Variants in MEI4 observed in about 807,000 individuals in gnomAD.
MEI4 encodes the protein meiosis-specific protein MEI4.
Under a neutral mutation model 31.4 loss-of-function variants are expected in MEI4, and 27 were observed. The observed-to-expected ratio is 0.86, with a 90% CI of 0.63 to 1.19. The LOEUF is 1.19. MEI4 is among the 50% of genes most tolerant of loss of function. The pLI is 0.00. For synonymous variants in MEI4, 122 were observed against 145.4 expected (o/e 0.84, Z 1.16); for missense variants, 329 against 398.9 (o/e 0.82, Z 1.49).
At position 77,713,372 on chromosome 6, in the gene MEI4, TTTTG is replaced by T. The variant is rs1026624507; in HGVS notation, c.232+22481_232+22484del. On this transcript the variant is annotated intron_variant, in intron 2 of 4. Transcript: ENST00000684080. ...TAGCAGCAGAAGAACCTAAGAATTT[TTTTG>T]TTTGTTTGTTTTAAGGAATTGAGAA... is the stretch of plus-strand genomic sequence containing the variant. Among the ~76,000 whole-genome samples the T allele has an allele frequency of 6.6e-5, 10 of 152,208 alleles. No homozygotes were observed. In the East Asian group the frequency reaches 1.2e-3, roughly 18 times the overall value.
chr6:77,922,356 T>TTGAC (rs1351286958), intron 4 of MEI4, among the ~76,000 whole-genome samples: 3 of 151,750 alleles, frequency 2.0e-5, no homozygotes, highest in Non-Finnish European at 4.4e-5. Flanking sequence ...ATCCATTTCC[T>TTGAC]TGACTGTGGA....
At chr6:77,767,392 A>G (rs910948361) in intron 3 of MEI4, among the ~76,000 whole-genome samples, 12 of 150,484 alleles carry the variant, frequency 8.0e-5, no homozygotes, top group East Asian at 2.0e-4. Flanking sequence ...ATAAATGAAT[A>G]AATAAATAAA....
Position 77,829,544 on chromosome 6 carries a change from A to G in MEI4, c.900+482A>G, listed in dbSNP as rs537411997. On this transcript the variant is annotated intron_variant, in intron 4 of 4. Coordinates refer to ENST00000684080, the MANE Select transcript of MEI4 (RefSeq NM_001322247.2). ...AGGTCTCTGAATTTGGAATTCTGGTACTGGTATTATTAGAGCACTTCAGGT... is the reference window on the plus strand; with the variant it reads ...AGGTCTCTGAATTTGGAATTCTGGTGCTGGTATTATTAGAGCACTTCAGGT... 2.6e-5 allele frequency among the ~76,000 whole-genome samples: 4 copies of G among 152,290 alleles called. No individual in the cohort carries two copies. The East Asian group carries it at 7.7e-4, about 29-fold the overall frequency.
At chr6:77,794,266 T>C (rs1769017879) in intron 3 of MEI4, among the ~76,000 whole-genome samples, 1 of 152,168 alleles carries the variant, frequency 6.6e-6, no homozygotes, top group Non-Finnish European at 1.5e-5. Context: ...TGTTAACATT[T>C]AATAATCTAA....
At chr6:77,654,436 C>T (rs1414314373) in intron 1 of MEI4, among the ~76,000 whole-genome samples, 3 of 151,534 alleles carry the variant, frequency 2.0e-5, no homozygotes, top group Non-Finnish European at 4.4e-5. Context: ...CTGACATGCA[C>T]TGTATGGTAC....
intron 4 of MEI4, among the ~76,000 whole-genome samples, chr6:77,877,763 A>G (rs1349996741): frequency 2.7e-5 from 4 of 150,728 alleles, no homozygotes; most frequent in Non-Finnish European, 5.9e-5. Flanking sequence ...AGCCCAAGAA[A>G]AGGCGCTAGA....
intron 4 of MEI4, among the ~76,000 whole-genome samples, chr6:77,914,561 A>G (rs986067899): frequency 3.3e-5 from 5 of 152,034 alleles, no homozygotes; most frequent in African/African-American, 1.2e-4. Context: ...TATTCATGGA[A>G]GAAATGTTCT....
chr6:77,806,487 C>G (rs918058165), intron 3 of MEI4, among the ~76,000 whole-genome samples: 1 of 151,980 alleles, frequency 6.6e-6, no homozygotes, highest in East Asian at 1.9e-4. Context: ...TGGGGTGATT[C>G]TCACCCTGCC....
chr6:77,743,027 T>TA, intron 2 of MEI4, among the ~76,000 whole-genome samples: 1 of 152,104 alleles, frequency 6.6e-6, no homozygotes, highest in Non-Finnish European at 1.5e-5. Flanking sequence ...ACTGTAGCCT[T>TA]ATAGTATAGT....
intron 2 of MEI4, among the ~76,000 whole-genome samples, chr6:77,750,183 C>T (rs1419429118): frequency 2.0e-5 from 3 of 152,128 alleles, no homozygotes; most frequent in South Asian, 2.1e-4. Flanking sequence ...ATTGTAAAGA[C>T]TATCAATGCT....
intron 4 of MEI4, among the ~76,000 whole-genome samples, chr6:77,899,889 C>G (rs1480116363): frequency 3.3e-5 from 5 of 151,446 alleles, no homozygotes; most frequent in African/African-American, 1.2e-4. Context: ...GTGTAGATGT[C>G]TCTTTGACTT....
chr6:77,736,660 C>G (rs1425443569), intron 2 of MEI4, among the ~76,000 whole-genome samples: 1 of 152,000 alleles, frequency 6.6e-6, no homozygotes, highest in African/African-American at 2.4e-5. Flanking sequence ...GGCTCCTACC[C>G]CCTTAATTCA....
At chr6:77,917,824 G>A (rs79809233) in intron 4 of MEI4, among the ~76,000 whole-genome samples, 1 of 149,820 alleles carries the variant, frequency 6.7e-6, no homozygotes, top group East Asian at 2.0e-4. Flanking sequence ...TTGGTGTTTT[G>A]GACATGAAGT....
chr6:77,761,296 G>A lies in MEI4; in HGVS notation c.399G>A (p.Leu133=), dbSNP rs942850416. ...ESCTPTHFPP[L]PLVKRPCAIL... is the part of the protein sequence containing the mutation. ...GTACCCCCACTCACTTTCCACCACT[G>A]CCTCTTGTGAAAAGACCTTGTGCTA... is the stretch of plus-strand genomic sequence containing the variant. Residue 133 remains leucine, a synonymous_variant, in exon 3 of 5, where the codon CTG becomes CTA. Coordinates refer to ENST00000684080, the MANE Select transcript of MEI4 (RefSeq NM_001322247.2). 63 of 1,232,476 alleles carry A rather than the reference G, an allele frequency of 5.1e-5. No individual in the cohort carries two copies. Among genetic ancestry groups the A allele is most frequent in the Non-Finnish European group, 6.2e-5 (61 of 988,064 alleles). 76.3% of individuals were successfully genotyped at this position (1,232,476 alleles called of 1,614,324 possible).
At chr6:77,702,098 G>A (rs944412254) in intron 2 of MEI4, among the ~76,000 whole-genome samples, 3 of 152,236 alleles carry the variant, frequency 2.0e-5, no homozygotes, top group East Asian at 1.9e-4. Flanking sequence ...GACTAGTGGT[G>A]ACAAGAGAAC....
rs964547687 is a variant in MEI4 at position 77,753,024 on chromosome 6, G to C, written c.233-8106G>C. On this transcript the variant is annotated intron_variant, in intron 2 of 4. Transcript: ENST00000684080. The stretch of plus-strand genomic sequence containing the variant: ...GGAAAGGATTCCCTATTTAATAAAT[G>C]GTTTTGGGAAAACTGGCTAGCCATA... 3.3e-5 allele frequency among the ~76,000 whole-genome samples: 5 copies of C among 152,236 alleles called. No homozygotes were observed. The South Asian group carries it at 1.0e-3, about 32-fold the overall frequency.
Position 77,923,604 on chromosome 6 carries a change from A to G in MEI4, c.*258A>G, listed in dbSNP as rs896321650. The G allele has an allele frequency of 1.2e-5, 3 of 243,118 alleles. No homozygotes were observed. The highest frequency in any genetic ancestry group is 2.2e-5 in the African/African-American group (1 of 44,938). 15.1% of individuals were successfully genotyped at this position (243,118 alleles called of 1,614,324 possible). On this transcript the variant is annotated 3_prime_UTR_variant, in exon 5 of 5. Coordinates refer to ENST00000684080, the MANE Select transcript of MEI4 (RefSeq NM_001322247.2). Reference sequence around the variant, plus strand: ...AACTGTATCTTATTTCACTCAATATAGTTTAGCTCTATTATTCTGTAAAAT... The same window carrying G: ...AACTGTATCTTATTTCACTCAATATGGTTTAGCTCTATTATTCTGTAAAAT...
intron 4 of MEI4, among the ~76,000 whole-genome samples, chr6:77,863,876 G>GA (rs2127722210): frequency 6.6e-6 from 1 of 152,302 alleles, no homozygotes; most frequent in Non-Finnish European, 1.5e-5. Flanking sequence ...ACTAACAGCT[G>GA]ATCTCTTGGC....
intron 4 of MEI4, among the ~76,000 whole-genome samples, chr6:77,854,042 A>G (rs1280053174): frequency 6.6e-6 from 1 of 152,136 alleles, no homozygotes; most frequent in Non-Finnish European, 1.5e-5. Flanking sequence ...TGTTAATTCT[A>G]TGTGACCATG....
Sources: gnomAD v4.1 joint callset for allele counts (sites outside exome capture counted in the v4.1 genomes callset) on GRCh38, gnomAD v4.1.1 for gene constraint, MANE v1.5 for transcripts, NCBI Gene and HGNC (gene_info 2026-07-23, HGNC 2026-07-21) for gene names.